Variants in CDH13 observed in about 807,000 individuals in gnomAD.
CDH13 encodes the protein cadherin-13.
CDH13 carries 24 observed loss-of-function variants against 63.8 expected under a neutral mutation model. That is an observed-to-expected ratio of 0.38 (90% CI 0.27 to 0.53). The LOEUF (loss-of-function observed/expected upper bound fraction) is 0.53. Ranked by LOEUF, CDH13 falls within the 20% of genes least tolerant of loss-of-function variation. The probability of loss-of-function intolerance (pLI) is 0.85; values close to 1 mark genes in which losing one functional copy is unlikely to be tolerated. For missense variants in CDH13, 1,049 were observed against 903.1 expected (o/e 1.16, Z -2.07); for synonymous variants, 503 against 355.3 (o/e 1.42, Z -4.67).
chr16:83,189,457 A>T (rs1231071008), intron 4 of CDH13, among the ~76,000 whole-genome samples: 1 of 152,180 alleles, frequency 6.6e-6, no homozygotes, highest in Non-Finnish European at 1.5e-5. Flanking sequence ...AAAAATAACT[A>T]CAGTTGCTGG....
intron 11 of CDH13, among the ~76,000 whole-genome samples, chr16:83,773,491 G>C (rs894011085): frequency 6.6e-6 from 1 of 152,142 alleles, no homozygotes; most frequent in Non-Finnish European, 1.5e-5. Flanking sequence ...TTAAATGCCA[G>C]ACACTTATAA....
intron 1 of CDH13, among the ~76,000 whole-genome samples, chr16:82,838,402 A>G (rs2038862940): frequency 6.6e-6 from 1 of 152,092 alleles, no homozygotes; most frequent in Non-Finnish European, 1.5e-5. Context: ...GGATATTGGG[A>G]ATTACTATAT....
intron 5 of CDH13, among the ~76,000 whole-genome samples, chr16:83,318,277 C>G (rs1438613987): frequency 6.6e-6 from 1 of 152,104 alleles, no homozygotes; most frequent in East Asian, 1.9e-4. Context: ...GGAAATTGGG[C>G]CCCTTTCTCT....
chr16:83,453,334 C>T (rs750353740), intron 6 of CDH13, among the ~76,000 whole-genome samples: 4 of 151,814 alleles, frequency 2.6e-5, no homozygotes, highest in Non-Finnish European at 5.9e-5. Flanking sequence ...CTCAGGTAAC[C>T]AAATACCACC....
intron 7 of CDH13, among the ~76,000 whole-genome samples, chr16:83,507,662 C>G (rs2074433900): frequency 6.6e-6 from 1 of 152,196 alleles, no homozygotes; most frequent in Non-Finnish European, 1.5e-5. Context: ...CTGATCTCAT[C>G]TAATGGCACA....
chr16:83,357,708 G>T (rs1175272690), intron 6 of CDH13, among the ~76,000 whole-genome samples: 1 of 152,176 alleles, frequency 6.6e-6, no homozygotes, highest in African/African-American at 2.4e-5. Flanking sequence ...AGAATCATTT[G>T]CCTCAAAATG....
chr16:83,538,535 A>T (rs2075238794), intron 7 of CDH13, among the ~76,000 whole-genome samples: 1 of 152,216 alleles, frequency 6.6e-6, no homozygotes, highest in Admixed American at 6.5e-5. Context: ...TTGAGAGAAC[A>T]TTTGCAAGAA....
intron 6 of CDH13, among the ~76,000 whole-genome samples, chr16:83,352,670 C>T (rs1421971549): frequency 6.6e-6 from 1 of 152,184 alleles, no homozygotes. Context: ...GCAGGTGGAT[C>T]ACGAGGTCAG....
intron 5 of CDH13, among the ~76,000 whole-genome samples, chr16:83,306,651 T>C (rs879740861): frequency 6.6e-6 from 1 of 152,202 alleles, no homozygotes; most frequent in Non-Finnish European, 1.5e-5. Flanking sequence ...CAAGTACTTT[T>C]ATTTGACTAG....
intron 1 of CDH13, among the ~76,000 whole-genome samples, chr16:82,805,066 A>T (rs2037076027): frequency 6.6e-6 from 1 of 152,136 alleles, no homozygotes; most frequent in African/African-American, 2.4e-5. Context: ...ATCGTTAAGT[A>T]TCCCGGGTTT....
chr16:82,804,865 G>T (rs890202455), intron 1 of CDH13, among the ~76,000 whole-genome samples: 3 of 152,104 alleles, frequency 2.0e-5, no homozygotes, highest in African/African-American at 4.8e-5. Context: ...TAATCTAAGG[G>T]TTATCAAAGA....
At chr16:83,532,103 C>T (rs990141605) in intron 7 of CDH13, among the ~76,000 whole-genome samples, 21 of 152,140 alleles carry the variant, frequency 1.4e-4, no homozygotes, top group Non-Finnish European at 2.1e-4. Context: ...CACAAGAGCT[C>T]TTCTCTTGTC....
chr16:82,941,737 C>G (rs1470574539), intron 2 of CDH13, among the ~76,000 whole-genome samples: 2 of 152,140 alleles, frequency 1.3e-5, no homozygotes, highest in Non-Finnish European at 2.9e-5. Flanking sequence ...CATCCCTGTT[C>G]CCATCTCTCC....
At chr16:83,150,938 C>G (rs973048019) in intron 4 of CDH13, among the ~76,000 whole-genome samples, 1 of 152,170 alleles carries the variant, frequency 6.6e-6, no homozygotes, top group African/African-American at 2.4e-5. Context: ...GCCTCTGTCC[C>G]TGAAGATTAT....
chr16:82,913,387 T>C (rs1049584570), intron 2 of CDH13, among the ~76,000 whole-genome samples: 1 of 152,170 alleles, frequency 6.6e-6, no homozygotes, highest in Non-Finnish European at 1.5e-5. Context: ...TTTACCTTGA[T>C]CTACTGTGCT....
At chr16:83,091,952 T>C (rs1050634352) in intron 3 of CDH13, among the ~76,000 whole-genome samples, 4 of 152,250 alleles carry the variant, frequency 2.6e-5, no homozygotes, top group Non-Finnish European at 5.9e-5. Context: ...ATTTCACAAA[T>C]AATTCTAGTA....
chr16:82,782,516 C>T (rs975866730), intron 1 of CDH13, among the ~76,000 whole-genome samples: 14 of 150,178 alleles, frequency 9.3e-5, no homozygotes, highest in African/African-American at 3.2e-4. Flanking sequence ...CGTACCACTG[C>T]ACTCCAGCCT....
At chr16:83,724,442 A>G (rs143669231) in intron 10 of CDH13, among the ~76,000 whole-genome samples, 18 of 139,048 alleles carry the variant, frequency 1.3e-4, no homozygotes, top group East Asian at 2.3e-4. Flanking sequence ...GCATGGGTGG[A>G]TGATGAATGC....
intron 5 of CDH13, among the ~76,000 whole-genome samples, chr16:83,342,643 G>C (rs1409789996): frequency 6.6e-6 from 1 of 152,184 alleles, no homozygotes; most frequent in African/African-American, 2.4e-5. Flanking sequence ...CTTAGTTTCT[G>C]TCTTTCTTTC....
Sources: gnomAD v4.1 joint callset for allele counts (sites outside exome capture counted in the v4.1 genomes callset) on GRCh38, gnomAD v4.1.1 for gene constraint, MANE v1.5 for transcripts, NCBI Gene and HGNC (gene_info 2026-07-23, HGNC 2026-07-21) for gene names.